Variants in ASTN2 observed in about 807,000 individuals in gnomAD.
ASTN2 encodes the protein astrotactin-2.
A neutral mutation model predicts 139.8 loss-of-function variants in ASTN2; 54 were observed. The ratio of observed to expected loss-of-function variants is 0.39; its 90% CI spans 0.31 to 0.48. The LOEUF (loss-of-function observed/expected upper bound fraction) is 0.48, where lower values mean the gene tolerates loss of function less well. Among genes scored for constraint, ASTN2 ranks in the 20% least tolerant of loss-of-function variants. The pLI, the probability that ASTN2 is intolerant of heterozygous loss-of-function variation, is 0.95. For missense variants in ASTN2, 1,565 were observed against 1,725.1 expected, an observed-to-expected ratio of 0.91 and a Z score of 1.64; for synonymous variants, 756 against 719.5, an observed-to-expected ratio of 1.05 and a Z score of -0.81.
At chr9:116,805,581 G>T in intron 13 of ASTN2, 51 bp downstream of exon 13, 1 of 1,563,294 alleles carries the variant, frequency 6.4e-7, no homozygotes, top group Non-Finnish European at 8.8e-7. Flanking sequence ...CCTGTGCCCA[G>T]GTTGTTTGTC....
chr9:116,571,142 G>A (rs1293878764), intron 19 of ASTN2, among the ~76,000 whole-genome samples: 2 of 152,130 alleles, frequency 1.3e-5, no homozygotes, highest in East Asian at 3.9e-4. Context: ...CGGTGCCACT[G>A]CCCCAGATGA....
intron 10 of ASTN2, among the ~76,000 whole-genome samples, chr9:116,964,289 G>A (rs879619899): frequency 1.6e-4 from 24 of 151,086 alleles, no homozygotes; most frequent in Non-Finnish European, 2.9e-4. Context: ...ACTACTGGGT[G>A]GTTGATGCCT....
chr9:116,532,283 T>G (rs1851389876), intron 19 of ASTN2, among the ~76,000 whole-genome samples: 1 of 152,238 alleles, frequency 6.6e-6, no homozygotes. Flanking sequence ...ATGAGTAGAT[T>G]GCAAAAATTT....
At chr9:116,840,560 C>T (rs113346376) in intron 11 of ASTN2, among the ~76,000 whole-genome samples, 11 of 29,990 alleles carry the variant, frequency 3.7e-4, no homozygotes, top group Non-Finnish European at 6.0e-4. Context: ...GGGGGGCTGA[C>T]CCCCCCACCT....
At chr9:116,551,872 A>G (rs1852362894) in intron 19 of ASTN2, among the ~76,000 whole-genome samples, 1 of 152,232 alleles carries the variant, frequency 6.6e-6, no homozygotes, top group Non-Finnish European at 1.5e-5. Context: ...TCAGATTCTC[A>G]GGAAATAGGA....
intron 10 of ASTN2, among the ~76,000 whole-genome samples, chr9:116,948,785 G>GTTTTTTTTTTTTGTTTTTT (rs1835471789): frequency 0.014 from 716 of 49,472 alleles, 77 homozygotes; most frequent in Middle Eastern, 0.059. Context: ...ATAATTTGGT[G>GTTTTTTTTTTTTGTTTTTT]TTTTTTTTTT....
At chr9:116,755,129 C>T (rs755702681) in intron 13 of ASTN2, among the ~76,000 whole-genome samples, 5 of 152,256 alleles carry the variant, frequency 3.3e-5, no homozygotes, top group Non-Finnish European at 4.4e-5. Context: ...CAGCTATGGC[C>T]TAAGCTCCTT....
In ASTN2 at chr9:117,414,652, G is replaced by A. The variant is rs1230611321; in HGVS notation, c.287C>T (p.Ala96Val). The A allele has an allele frequency of 7.3e-7, 1 of 1,360,592 alleles. No individual in the cohort carries two copies. Among genetic ancestry groups the A allele is most frequent in the East Asian group, 3.1e-5 (1 of 31,804 alleles). 84.3% of individuals were successfully genotyped at this position (1,360,592 alleles called of 1,614,324 possible). ...GGACGCGGCGGCGGCGGCGGCTCCG[G>A]CCCCGGTCCCAGCCCCGGCCCCGGC... is the stretch of plus-strand genomic sequence containing the variant. ...ARAGAGAGTG[A>V]GAAAAAASPG... is the part of the protein sequence containing the mutation. Residue 96 changes from alanine to valine, a missense_variant, in exon 1 of 23, where the codon GCC (alanine) becomes GTC (valine). By Grantham distance (64) the Ala-to-Val change is moderately conservative (BLOSUM62 0). This residue lies in a region of ASTN2 where 596 missense variants were observed against 576.8 expected (regional missense o/e 1.03). Coordinates refer to ENST00000313400, the MANE Select transcript of ASTN2 (RefSeq NM_001365068.1). This position sits in a 1 kb window ranked among gnomAD's most constrained non-coding sequence, Gnocchi z 4.2.
rs566754818 is a variant in ASTN2 at position 116,632,744 on chromosome 9, AGTC to A, written c.3073-12304_3073-12302del. Among the ~76,000 whole-genome samples the A allele has an allele frequency of 6.6e-4, 101 of 152,336 alleles. 1 individual carries two copies. Among genetic ancestry groups the A allele is most frequent in the Admixed American group, 6.1e-3 (93 of 15,304 alleles). On this transcript the variant is annotated intron_variant, in intron 17 of 22. Coordinates refer to ENST00000313400, the MANE Select transcript of ASTN2 (RefSeq NM_001365068.1). ...ATTCTTTAAGACCCACTGCAACTTCAGTCTTCTTTGAAAACCCTTCCTTGATTT... is the reference window on the plus strand; with the variant it reads ...ATTCTTTAAGACCCACTGCAACTTCATTCTTTGAAAACCCTTCCTTGATTT...
intron 19 of ASTN2, among the ~76,000 whole-genome samples, chr9:116,570,491 G>A (rs1853457217): frequency 2.0e-5 from 3 of 152,110 alleles, no homozygotes; most frequent in Admixed American, 2.0e-4. Context: ...CGCCTCCCAG[G>A]TTCATGCCTT....
intron 13 of ASTN2, among the ~76,000 whole-genome samples, chr9:116,756,332 T>C (rs902018858): frequency 6.6e-6 from 1 of 152,124 alleles, no homozygotes; most frequent in Non-Finnish European, 1.5e-5. Context: ...ATAGAACCTA[T>C]CTAAACCTCA....
chr9:116,803,520 ATATTTTTT>A (rs1334365237), intron 13 of ASTN2, among the ~76,000 whole-genome samples: 4 of 4,058 alleles, frequency 9.9e-4, no homozygotes, highest in African/African-American at 3.2e-3. Context: ...ATATATATAT[ATATTTTTT>A]TTTTTTTTTT....
chr9:116,757,381 G>C (rs935089253), intron 13 of ASTN2, among the ~76,000 whole-genome samples: 1 of 152,134 alleles, frequency 6.6e-6, no homozygotes, highest in Admixed American at 6.5e-5. Context: ...GAAGTTCCTG[G>C]CCCACTGGGA....
chr9:117,073,564 C>T (rs979488599), intron 5 of ASTN2, among the ~76,000 whole-genome samples: 1 of 152,160 alleles, frequency 6.6e-6, no homozygotes, highest in African/African-American at 2.4e-5. Context: ...CTGTAGATTT[C>T]CTAGGGCCAG....
At chr9:117,091,992 C>T (rs1167986870) in intron 5 of ASTN2, among the ~76,000 whole-genome samples, 1 of 152,098 alleles carries the variant, frequency 6.6e-6, no homozygotes, top group African/African-American at 2.4e-5. Flanking sequence ...AAGGGGAGAA[C>T]TTGTTGGCAG....
chr9:117,072,898 G>C (rs1828173960), intron 5 of ASTN2, among the ~76,000 whole-genome samples: 1 of 152,038 alleles, frequency 6.6e-6, no homozygotes, highest in African/African-American at 2.4e-5. Context: ...TGGAGGTATG[G>C]ACAAAGAGTG....
At chr9:117,339,654 C>G (rs1262264587) in intron 1 of ASTN2, among the ~76,000 whole-genome samples, 2 of 152,114 alleles carry the variant, frequency 1.3e-5, no homozygotes, top group East Asian at 3.9e-4. Context: ...TGTCAGGCCT[C>G]TCATGTTTCC....
At chr9:116,558,882 T>A (rs1852765666) in intron 19 of ASTN2, among the ~76,000 whole-genome samples, 1 of 152,208 alleles carries the variant, frequency 6.6e-6, no homozygotes, top group African/African-American at 2.4e-5. Flanking sequence ...ATTATCTAAA[T>A]GGCCTGGCAC....
chr9:117,273,483 T>C (rs1193485214), intron 2 of ASTN2, among the ~76,000 whole-genome samples: 1 of 152,130 alleles, frequency 6.6e-6, no homozygotes, highest in Non-Finnish European at 1.5e-5. Context: ...AGAGATTAGA[T>C]AAGGGACGAG....
Sources: gnomAD v4.1 joint callset for allele counts (sites outside exome capture counted in the v4.1 genomes callset) on GRCh38, gnomAD v4.1.1 for gene constraint, gnomAD v4.1.1 regional missense constraint, Gnocchi (gnomAD v3.1) non-coding constraint, MANE v1.5 for transcripts, NCBI Gene and HGNC (gene_info 2026-07-23, HGNC 2026-07-21) for gene names.